LUC7L3: variants seen among roughly 807,000 people sequenced by gnomAD.
The protein encoded by LUC7L3 is LUC7 like 3 pre-mRNA splicing factor.
LUC7L3 carries 6 observed loss-of-function variants against 66.8 expected under a neutral mutation model. The ratio of observed to expected loss-of-function variants is 0.09; its 90% CI spans 0.05 to 0.18. The LOEUF is 0.18. LUC7L3 is among the 10% of genes least tolerant of loss of function. LUC7L3 has a pLI of 1.00. For missense variants in LUC7L3, 341 were observed against 531.1 expected, an observed-to-expected ratio of 0.64 and a Z score of 3.52; for synonymous variants, 160 against 174.7, an observed-to-expected ratio of 0.92 and a Z score of 0.66.
At chr17:50,731,971 ATAGGGACC>A (rs1281114127) in intron 1 of LUC7L3, among the ~76,000 whole-genome samples, 1 of 152,152 alleles carries the variant, frequency 6.6e-6, no homozygotes, top group Non-Finnish European at 1.5e-5. Context: ...GAAACATGTA[ATAGGGACC>A]TACGAACAGA....
intron 1 of LUC7L3, among the ~76,000 whole-genome samples, chr17:50,726,851 A>T (rs980875109): frequency 2.0e-5 from 3 of 152,032 alleles, no homozygotes; most frequent in African/African-American, 7.3e-5. Flanking sequence ...GCACTTTGGG[A>T]GGCCGAGGTG....
chr17:50,749,273 G>A (rs1246570604), intron 9 of LUC7L3: 18 of 1,289,258 alleles, frequency 1.4e-5, no homozygotes, highest in South Asian at 1.4e-4. Flanking sequence ...ACAACAAGAC[G>A]ACTCTTCCTC....
intron 5 of LUC7L3, 72 bp downstream of exon 5, chr17:50,741,803 G>C: frequency 8.7e-7 from 1 of 1,154,540 alleles, no homozygotes; most frequent in Non-Finnish European, 1.3e-6. Context: ...TACAAGGATG[G>C]GCCAGGCATG....
At chr17:50,724,609 AATT>A (rs1222132796) in intron 1 of LUC7L3, among the ~76,000 whole-genome samples, 7 of 65,176 alleles carry the variant, frequency 1.1e-4, no homozygotes, top group Non-Finnish European at 1.7e-4. Context: ...GCTTTAGGAA[AATT>A]GTGTGTGTGT....
chr17:50,740,232 T>C (rs986003646), intron 2 of LUC7L3, 74 bp from the exon 3 acceptor site: 3 of 1,146,984 alleles, frequency 2.6e-6, no homozygotes, highest in Non-Finnish European at 3.8e-6. Context: ...AAAAGAAAAA[T>C]AACTCTTTTT....
At chr17:50,737,280 TA>T (rs1970042635) in intron 2 of LUC7L3, 1 of 588,464 alleles carries the variant, frequency 1.7e-6, no homozygotes, top group South Asian at 1.6e-5. Context: ...AAAAAAATTT[TA>T]AAAAGATGTA....
rs1567861408 is a variant in LUC7L3, at chr17:50,730,529, A to AAAAAAAAAAG, written c.100-6429_100-6420dup. Among the ~76,000 whole-genome samples, 25 of 150,894 alleles carry AAAAAAAAAAG rather than the reference A, an allele frequency of 1.7e-4. 1 individual carries two copies. The highest frequency in any genetic ancestry group is 6.1e-4 in the African/African-American group (25 of 40,810). ...CTCTGTCTCCAAAAAAAAAAAAAAAAAAAAAAAAAGACCTAAAAATAGTGC... is the reference window on the plus strand; with the variant it reads ...CTCTGTCTCCAAAAAAAAAAAAAAAAAAAAAAAAAGAAAAAAAAAGACCTAAAAATAGTGC... On this transcript the variant is annotated intron_variant, in intron 1 of 9. Coordinates refer to ENST00000505658, the MANE Select transcript of LUC7L3 (RefSeq NM_016424.5).
intron 1 of LUC7L3, among the ~76,000 whole-genome samples, chr17:50,733,176 T>TA: frequency 6.6e-6 from 1 of 152,142 alleles, no homozygotes; most frequent in East Asian, 1.9e-4. Context: ...TAGAATATAT[T>TA]ACTGTAAAAA....
chr17:50,742,176 A>G (rs901344020), intron 5 of LUC7L3, among the ~76,000 whole-genome samples: 1 of 152,202 alleles, frequency 6.6e-6, no homozygotes, highest in African/African-American at 2.4e-5. Flanking sequence ...AATACAGATT[A>G]AAACTGCAAT....
At position 50,747,763 on chromosome 17, in the gene LUC7L3, A is replaced by G. The variant is rs892051384; in HGVS notation, c.1138+1061A>G. Among the ~76,000 whole-genome samples, 3 of 151,846 alleles carry G rather than the reference A, an allele frequency of 2.0e-5. No individual in the cohort carries two copies. The East Asian group carries it at 5.8e-4, about 29-fold the overall frequency. On this transcript the variant is annotated intron_variant, in intron 9 of 9. Transcript: ENST00000505658. Reference sequence around the variant, plus strand: ...TTTTATTTTCTTAAAATAAGCACACACTCTTTTTCTGAAATATTTAACATC... The same window carrying G: ...TTTTATTTTCTTAAAATAAGCACACGCTCTTTTTCTGAAATATTTAACATC...
chr17:50,746,420 C>A, intron 8 of LUC7L3, 122 bp from the exon 9 acceptor site: 1 of 845,890 alleles, frequency 1.2e-6, no homozygotes, highest in Non-Finnish European at 1.8e-6. Context: ...CTTAAGATTT[C>A]TAATGTAAAT....
At chr17:50,742,666 C>T (rs1272627011) in intron 5 of LUC7L3, among the ~76,000 whole-genome samples, 1 of 152,070 alleles carries the variant, frequency 6.6e-6, no homozygotes, top group Admixed American at 6.5e-5. Flanking sequence ...GCCCTGGAGT[C>T]TCTTAAAAAG....
At chr17:50,722,191 C>CTTGTTT (rs1968820517) in intron 1 of LUC7L3, 1 of 63,712 alleles carries the variant, frequency 1.6e-5, no homozygotes, top group African/African-American at 6.9e-5. Context: ...CTTATGCATT[C>CTTGTTT]TTTTTTTTTT....
At chr17:50,744,966 C>T (rs1364483943) in intron 7 of LUC7L3, among the ~76,000 whole-genome samples, 153 bp downstream of exon 7, 1 of 152,048 alleles carries the variant, frequency 6.6e-6, no homozygotes, top group African/African-American at 2.4e-5. Context: ...CATGTGCCAC[C>T]AGGCCTGGCT....
chr17:50,737,985 G>T, intron 2 of LUC7L3: 1 of 332,472 alleles, frequency 3.0e-6, no homozygotes, highest in Non-Finnish European at 5.8e-6. Context: ...TATTAAGGCA[G>T]GACCAGTCTA....
At chr17:50,739,515 A>G (rs1597921316) in intron 2 of LUC7L3, among the ~76,000 whole-genome samples, 2 of 151,110 alleles carry the variant, frequency 1.3e-5, no homozygotes, top group Admixed American at 1.4e-4. Flanking sequence ...TTACGCAGGC[A>G]TGGTGGTGGG....
chr17:50,746,896 G>A (rs951674597), intron 9 of LUC7L3, among the ~76,000 whole-genome samples, 194 bp downstream of exon 9: 1 of 152,096 alleles, frequency 6.6e-6, no homozygotes, highest in Non-Finnish European at 1.5e-5. Context: ...TTTATCTGGT[G>A]TTTTCTTAGA....
chr17:50,733,771 G>A (rs1969799329), intron 1 of LUC7L3, among the ~76,000 whole-genome samples: 2 of 152,132 alleles, frequency 1.3e-5, no homozygotes, highest in South Asian at 2.1e-4. Context: ...TAACCATACA[G>A]TTTATGGCTA....
intron 1 of LUC7L3, among the ~76,000 whole-genome samples, chr17:50,732,147 C>T (rs1030390936): frequency 3.9e-5 from 6 of 151,956 alleles, no homozygotes; most frequent in Non-Finnish European, 7.4e-5. Context: ...ACAAAATCAT[C>T]GAAATTGTTT....
Sources: allele counts gnomAD v4.1 joint callset (sites outside exome capture counted in the v4.1 genomes callset), GRCh38; gene constraint gnomAD v4.1.1; transcripts MANE v1.5; gene names NCBI Gene and HGNC (gene_info 2026-07-23, HGNC 2026-07-21).